The following GPR19 variants were observed in gnomAD, a reference collection of about 807,000 sequenced individuals.
GPR19 encodes G protein-coupled receptor 19.
A neutral mutation model predicts 28.5 loss-of-function variants in GPR19; 14 were observed. That is an observed-to-expected ratio of 0.49 (90% CI 0.32 to 0.77). The LOEUF (loss-of-function observed/expected upper bound fraction) is 0.77, where lower values mean the gene tolerates loss of function less well. GPR19 is among the 30% of genes least tolerant of loss of function. The pLI is 0.03. For missense variants in GPR19, 409 were observed against 504.1 expected, an observed-to-expected ratio of 0.81 and a Z score of 1.81; for synonymous variants, 173 against 184.1, an observed-to-expected ratio of 0.94 and a Z score of 0.49.
At chr12:12,709,573 G>A in the GPR19 span, among the ~76,000 whole-genome samples, 4 of 152,038 alleles carry the variant, frequency 2.6e-5, no homozygotes, top group Non-Finnish European at 4.4e-5. Flanking sequence ...TCGTGTAGCT[G>A]GGATCACAGG....
At chr12:12,714,396 A>ACGCTGGCGG in the GPR19 span, among the ~76,000 whole-genome samples, 1 of 152,180 alleles carries the variant, frequency 6.6e-6, no homozygotes, top group Non-Finnish European at 1.5e-5. Flanking sequence ...GGAGCTGGCG[A>ACGCTGGCGG]CGCTGGCGGC....
chr12:12,690,368 C>T (rs1218327401), intron 2 of GPR19, among the ~76,000 whole-genome samples: 2 of 152,180 alleles, frequency 1.3e-5, no homozygotes, highest in African/African-American at 4.8e-5. Flanking sequence ...ACACTGTTGT[C>T]TAAGGAGAAA....
At chr12:12,689,851 T>A (rs1424784596) in intron 2 of GPR19, among the ~76,000 whole-genome samples, 1 of 152,202 alleles carries the variant, frequency 6.6e-6, no homozygotes, top group African/African-American at 2.4e-5. Flanking sequence ...AGCTACCACG[T>A]CATAAGGAAA....
intron 2 of GPR19, chr12:12,685,128 T>C (rs1330542854): frequency 6.6e-6 from 1 of 152,230 alleles, no homozygotes; most frequent in East Asian, 1.9e-4. Context: ...TTTAGGGCTC[T>C]GACTTCCCCT....
chr12:12,678,400 G>A (rs934564013), intron 3 of GPR19, among the ~76,000 whole-genome samples: 1 of 152,054 alleles, frequency 6.6e-6, no homozygotes, highest in Non-Finnish European at 1.5e-5. Flanking sequence ...TGATATGCAC[G>A]GTCCTGATAT....
chr12:12,711,676 T>C, the GPR19 span, among the ~76,000 whole-genome samples: 2 of 152,192 alleles, frequency 1.3e-5, no homozygotes, highest in Non-Finnish European at 2.9e-5. Context: ...ATCAGTCGCT[T>C]GAGAGACTGA....
At chr12:12,706,462 T>C in the GPR19 span, among the ~76,000 whole-genome samples, 1 of 152,206 alleles carries the variant, frequency 6.6e-6, no homozygotes, top group Non-Finnish European at 1.5e-5. Context: ...TGTTCTTATC[T>C]AGTCTCATAG....
upstream of GPR19, among the ~76,000 whole-genome samples, chr12:12,696,851 A>G (rs1946270570): frequency 6.6e-6 from 1 of 152,220 alleles, no homozygotes; most frequent in South Asian, 2.1e-4. Flanking sequence ...TTAAGTGTCA[A>G]CTTCAGACCA....
upstream of GPR19, among the ~76,000 whole-genome samples, chr12:12,699,825 A>G (rs1189997698): frequency 6.6e-6 from 1 of 152,184 alleles, no homozygotes; most frequent in African/African-American, 2.4e-5. Flanking sequence ...TACATCTCTG[A>G]TAAGGAGAGA....
intron 3 of GPR19, among the ~76,000 whole-genome samples, chr12:12,670,869 A>G (rs995234591): frequency 7.4e-6 from 1 of 135,832 alleles, no homozygotes; most frequent in Non-Finnish European, 1.7e-5. Flanking sequence ...GAGGCCAAAT[A>G]AATAAACACA....
intron 3 of GPR19, among the ~76,000 whole-genome samples, chr12:12,680,587 C>T (rs1003826992): frequency 3.3e-5 from 5 of 151,756 alleles, no homozygotes; most frequent in Non-Finnish European, 7.4e-5. Context: ...GCTCACTGCA[C>T]CCTCAACCTC....
the GPR19 span, among the ~76,000 whole-genome samples, chr12:12,711,190 A>G: frequency 4.0e-5 from 6 of 148,990 alleles, no homozygotes; most frequent in African/African-American, 1.5e-4. Flanking sequence ...GCTACTCGGG[A>G]GGCTGAGGCA....
chr12:12,696,703 G>C (rs534489531), upstream of GPR19, among the ~76,000 whole-genome samples: 21 of 152,240 alleles, frequency 1.4e-4, no homozygotes, highest in Non-Finnish European at 2.9e-4. Context: ...GCGGCGGTTT[G>C]TTTACCAGTC....
At chr12:12,665,844 A>AG in intron 3 of GPR19, among the ~76,000 whole-genome samples, 1 of 149,420 alleles carries the variant, frequency 6.7e-6, no homozygotes, top group Non-Finnish European at 1.5e-5. Flanking sequence ...AAAAAAAAAA[A>AG]AAAAGAAAAC....
the GPR19 span, chr12:12,703,470 A>G: frequency 1.0e-6 from 1 of 972,070 alleles, no homozygotes. Context: ...GTAATCAAAG[A>G]TTCCCAAGGT....
chr12:12,666,871 G>A (rs777378273), intron 3 of GPR19, among the ~76,000 whole-genome samples: 4 of 152,156 alleles, frequency 2.6e-5, no homozygotes, highest in South Asian at 2.1e-4. Flanking sequence ...CCTGATAAAA[G>A]CAGGGCAGGT....
the GPR19 span, among the ~76,000 whole-genome samples, chr12:12,715,556 A>G: frequency 6.6e-6 from 1 of 152,250 alleles, no homozygotes; most frequent in Non-Finnish European, 1.5e-5. Flanking sequence ...GGCCACATCA[A>G]GGAAACATCT....
intron 2 of GPR19, chr12:12,685,007 C>T (rs969599318): frequency 3.3e-5 from 5 of 152,162 alleles, no homozygotes; most frequent in Non-Finnish European, 5.9e-5. Flanking sequence ...CAGCATTACA[C>T]CCTCTTCAAG....
At chr12:12,663,866 A>G (rs1945717741) in intron 3 of GPR19, among the ~76,000 whole-genome samples, 1 of 152,142 alleles carries the variant, frequency 6.6e-6, no homozygotes, top group Middle Eastern at 3.2e-3. Context: ...CTCCAGCAAC[A>G]GGCTTTTCTA....
Sources: gnomAD v4.1 joint callset for allele counts (sites outside exome capture counted in the v4.1 genomes callset) on GRCh38, gnomAD v4.1.1 for gene constraint, MANE v1.5 for transcripts, NCBI Gene and HGNC (gene_info 2026-07-23, HGNC 2026-07-21) for gene names.